The following GALNT13 variants were observed in gnomAD, a reference collection of about 807,000 sequenced individuals.
GALNT13 encodes UDP-GalNAc:polypeptide N-acetylgalactosaminyltransferase 13.
Under a neutral mutation model 64.2 loss-of-function variants are expected in GALNT13, and 28 were observed. That is an observed-to-expected ratio of 0.44 (90% CI 0.32 to 0.60). The LOEUF is 0.60. Among genes scored for constraint, GALNT13 ranks in the 20% least tolerant of loss-of-function variants. The pLI is 0.05. For synonymous variants in GALNT13, 214 were observed against 224.6 expected (o/e 0.95, Z 0.42); for missense variants, 577 against 669.8 (o/e 0.86, Z 1.53).
intron 3 of GALNT13, among the ~76,000 whole-genome samples, chr2:154,115,664 GC>G (rs1703254925): frequency 6.6e-6 from 1 of 151,942 alleles, no homozygotes; most frequent in Non-Finnish European, 1.5e-5. Context: ...CAGGTGATCT[GC>G]CCGTCTCAGC....
chr2:153,610,692 A>G, the GALNT13 span, among the ~76,000 whole-genome samples: 1 of 152,054 alleles, frequency 6.6e-6, no homozygotes, highest in South Asian at 2.1e-4. Flanking sequence ...ATAAAAATAA[A>G]CAGATTGGGT....
chr2:153,409,313 A>AATATGTATATATTCATATAT, the GALNT13 span, among the ~76,000 whole-genome samples: 56 of 140,098 alleles, frequency 4.0e-4, no homozygotes, highest in African/African-American at 1.4e-3. Context: ...TATATATATG[A>AATATGTATATATTCATATAT]ATATGTATAT....
the GALNT13 span, among the ~76,000 whole-genome samples, chr2:153,488,372 T>C: frequency 7.9e-4 from 121 of 152,318 alleles, no homozygotes; most frequent in Admixed American, 2.9e-3. Context: ...AGGGTGTTCT[T>C]TTAGACACTG....
At chr2:154,260,633 A>G (rs147805178) in intron 8 of GALNT13, among the ~76,000 whole-genome samples, 1 of 152,186 alleles carries the variant, frequency 6.6e-6, no homozygotes, top group African/African-American at 2.4e-5. Flanking sequence ...AGGTCCATGG[A>G]CAGTAACTCT....
At chr2:153,732,771 A>T in the GALNT13 span, among the ~76,000 whole-genome samples, 1 of 152,106 alleles carries the variant, frequency 6.6e-6, no homozygotes, top group Admixed American at 6.6e-5. Flanking sequence ...TTTTTTAGGT[A>T]ACAAGTTGGA....
At chr2:153,357,696 T>C in the GALNT13 span, among the ~76,000 whole-genome samples, 2 of 152,176 alleles carry the variant, frequency 1.3e-5, no homozygotes, top group African/African-American at 2.4e-5. Flanking sequence ...CCAAGCCTAA[T>C]TCTCCATCCT....
At chr2:153,787,477 C>T in the GALNT13 span, among the ~76,000 whole-genome samples, 17 of 152,214 alleles carry the variant, frequency 1.1e-4, 1 homozygote, top group South Asian at 3.5e-3. Flanking sequence ...AAAGAAATAC[C>T]CACATTCAGA....
At chr2:153,128,034 G>T in the GALNT13 span, among the ~76,000 whole-genome samples, 2 of 152,084 alleles carry the variant, frequency 1.3e-5, no homozygotes, top group Admixed American at 6.6e-5. Context: ...AAAATGACTT[G>T]CCCAAAGTCA....
the GALNT13 span, among the ~76,000 whole-genome samples, chr2:153,072,392 A>G: frequency 6.6e-6 from 1 of 152,200 alleles, no homozygotes; most frequent in Non-Finnish European, 1.5e-5. Context: ...TAAGTTTACC[A>G]ACTACACAGA....
chr2:154,161,823 C>G (rs982476590), intron 4 of GALNT13, among the ~76,000 whole-genome samples: 1 of 151,724 alleles, frequency 6.6e-6, no homozygotes, highest in Non-Finnish European at 1.5e-5. Context: ...CTCTGTTGCC[C>G]AGGCTAGAGT....
At chr2:153,718,707 A>C in the GALNT13 span, among the ~76,000 whole-genome samples, 1 of 152,144 alleles carries the variant, frequency 6.6e-6, no homozygotes. Context: ...CAGCTGTGAG[A>C]AGTTACAGAG....
At chr2:153,587,835 T>G in the GALNT13 span, among the ~76,000 whole-genome samples, 1 of 152,242 alleles carries the variant, frequency 6.6e-6, no homozygotes, top group Non-Finnish European at 1.5e-5. Flanking sequence ...AAGTCTCATC[T>G]GAGACAAGGC....
At chr2:153,810,826 G>A in the GALNT13 span, among the ~76,000 whole-genome samples, 1 of 152,132 alleles carries the variant, frequency 6.6e-6, no homozygotes. Flanking sequence ...GTAGGTCCAG[G>A]ACACCTATTT....
intron 3 of GALNT13, among the ~76,000 whole-genome samples, chr2:154,037,375 A>G (rs1425733609): frequency 6.6e-6 from 1 of 152,184 alleles, no homozygotes. Context: ...TATATATAAC[A>G]AACCCAAAGC....
At chr2:153,431,351 G>A in the GALNT13 span, among the ~76,000 whole-genome samples, 1 of 152,048 alleles carries the variant, frequency 6.6e-6, no homozygotes, top group South Asian at 2.1e-4. Context: ...TGTGATAGAG[G>A]TGATCGTGAG....
At chr2:154,394,278 C>A (rs950221159) in intron 9 of GALNT13, among the ~76,000 whole-genome samples, 3 of 151,814 alleles carry the variant, frequency 2.0e-5, no homozygotes, top group African/African-American at 7.3e-5. Context: ...GAGGAAAAGT[C>A]AAAAGAATAG....
At chr2:153,124,609 G>A in the GALNT13 span, among the ~76,000 whole-genome samples, 2 of 152,108 alleles carry the variant, frequency 1.3e-5, no homozygotes, top group African/African-American at 2.4e-5. Flanking sequence ...GGGTTCAAGC[G>A]ATTCGCCTGC....
the GALNT13 span, among the ~76,000 whole-genome samples, chr2:153,190,901 T>C: frequency 5.9e-5 from 9 of 152,138 alleles, no homozygotes; most frequent in East Asian, 1.5e-3. Context: ...ATATAAATGC[T>C]ACTGATTTTT....
At chr2:154,292,505 T>C (rs1692702704) in intron 8 of GALNT13, among the ~76,000 whole-genome samples, 1 of 152,170 alleles carries the variant, frequency 6.6e-6, no homozygotes, top group Non-Finnish European at 1.5e-5. Context: ...CATAACAATA[T>C]TATTTTACCA....
Sources: allele counts gnomAD v4.1 joint callset (sites outside exome capture counted in the v4.1 genomes callset), GRCh38; gene constraint gnomAD v4.1.1; transcripts MANE v1.5; gene names NCBI Gene and HGNC (gene_info 2026-07-23, HGNC 2026-07-21).